The following HAPSTR1 variants were observed in gnomAD, a reference collection of about 807,000 sequenced individuals.
The protein encoded by HAPSTR1 is HUWE1-associated protein modifying stress responses 1.
the HAPSTR1 span, among the ~76,000 whole-genome samples, chr16:9,099,862 C>T: frequency 6.6e-6 from 1 of 152,112 alleles, no homozygotes; most frequent in Non-Finnish European, 1.5e-5. Context: ...CTAATTAGCT[C>T]AAGTTATGAG....
chr16:9,117,607 C>A, the HAPSTR1 span: 1 of 152,712 alleles, frequency 6.5e-6, no homozygotes, highest in Non-Finnish European at 1.5e-5. Flanking sequence ...AAACTGTCCC[C>A]AGAGTAACCC....
chr16:9,112,201 G>C, the HAPSTR1 span: 3 of 152,126 alleles, frequency 2.0e-5, no homozygotes, highest in African/African-American at 7.2e-5. Flanking sequence ...TCTTAAACAC[G>C]ACATTGACAC....
the HAPSTR1 span, among the ~76,000 whole-genome samples, chr16:9,095,002 T>A: frequency 7.9e-5 from 12 of 152,384 alleles, no homozygotes; most frequent in Admixed American, 3.3e-4. Context: ...TAAAAATGTT[T>A]ACAATTTGTT....
At chr16:9,116,413 C>T in the HAPSTR1 span, among the ~76,000 whole-genome samples, 57 of 152,230 alleles carry the variant, frequency 3.7e-4, no homozygotes, top group African/African-American at 1.2e-3. Flanking sequence ...ACACCTAGCA[C>T]GGTGGTTGAC....
At chr16:9,098,896 C>G in the HAPSTR1 span, among the ~76,000 whole-genome samples, 1 of 152,152 alleles carries the variant, frequency 6.6e-6, no homozygotes, top group Non-Finnish European at 1.5e-5. Flanking sequence ...GCCCTTTGAA[C>G]TTCAGTTCCT....
At chr16:9,107,437 C>T in the HAPSTR1 span, 1 of 152,322 alleles carries the variant, frequency 6.6e-6, no homozygotes, top group African/African-American at 2.4e-5. Context: ...AGGGCAGGCC[C>T]TCTGGAGGAG....
chr16:9,097,938 C>G, the HAPSTR1 span, among the ~76,000 whole-genome samples: 1 of 152,194 alleles, frequency 6.6e-6, no homozygotes, highest in African/African-American at 2.4e-5. Context: ...GGGAGCTTCT[C>G]TCGAAACATG....
the HAPSTR1 span, among the ~76,000 whole-genome samples, chr16:9,099,577 A>G: frequency 6.6e-6 from 1 of 152,210 alleles, no homozygotes; most frequent in African/African-American, 2.4e-5. Flanking sequence ...GAGTTTGCCT[A>G]ACCTTCAAGT....
the HAPSTR1 span, among the ~76,000 whole-genome samples, chr16:9,115,458 A>T: frequency 6.6e-5 from 10 of 152,290 alleles, no homozygotes; most frequent in African/African-American, 2.4e-4. Context: ...GTAGGTTTTT[A>T]AAAATGCAAC....
chr16:9,116,871 A>C, the HAPSTR1 span: 1 of 1,614,212 alleles, frequency 6.2e-7, no homozygotes, highest in Non-Finnish European at 8.5e-7. Flanking sequence ...TGGCGATGTC[A>C]TTACAGACTC....
At chr16:9,107,893 A>G in the HAPSTR1 span, 1 of 152,008 alleles carries the variant, frequency 6.6e-6, no homozygotes, top group East Asian at 1.9e-4. Flanking sequence ...TTAACAGAAC[A>G]TAGCAAAGAA....
the HAPSTR1 span, among the ~76,000 whole-genome samples, chr16:9,100,965 C>T: frequency 0.011 from 1,611 of 152,266 alleles, 29 homozygotes; most frequent in African/African-American, 0.037. Context: ...GAATAAAATA[C>T]CCTCATTCTC....
At chr16:9,099,938 A>G in the HAPSTR1 span, among the ~76,000 whole-genome samples, 1 of 152,230 alleles carries the variant, frequency 6.6e-6, no homozygotes, top group Non-Finnish European at 1.5e-5. Flanking sequence ...CACCATTTAC[A>G]TGGGACTTTG....
At chr16:9,115,759 G>A in the HAPSTR1 span, among the ~76,000 whole-genome samples, 243 of 152,176 alleles carry the variant, frequency 1.6e-3, 1 homozygote, top group Non-Finnish European at 2.2e-3. Context: ...GATTACAGGC[G>A]CCTGCCACCA....
the HAPSTR1 span, chr16:9,107,072 G>C: frequency 2.3e-4 from 35 of 152,320 alleles, 1 homozygote; most frequent in African/African-American, 8.2e-4. Context: ...TTCCAAATCT[G>C]GACCTCTCGT....
At chr16:9,112,950 GA>G in the HAPSTR1 span, 2 of 149,384 alleles carry the variant, frequency 1.3e-5, no homozygotes, top group Admixed American at 1.3e-4. Flanking sequence ...TAGCCCTTTT[GA>G]AAAAGTATGT....
chr16:9,093,130 A>T, the HAPSTR1 span: 1 of 935,466 alleles, frequency 1.1e-6, no homozygotes, highest in Non-Finnish European at 1.6e-6. Context: ...GCAACTTGAG[A>T]ATCGCGGCGG....
the HAPSTR1 span, chr16:9,092,862 C>T: frequency 1.6e-5 from 23 of 1,444,828 alleles, no homozygotes; most frequent in South Asian, 2.3e-4. Context: ...CTTTCTTTCT[C>T]TTTCTATGTG....
the HAPSTR1 span, chr16:9,102,981 C>T: frequency 6.2e-7 from 1 of 1,609,680 alleles, no homozygotes. Context: ...TTTTTTCTAA[C>T]AGAAAGCGTG....
Sources: gnomAD v4.1 joint callset for allele counts (sites outside exome capture counted in the v4.1 genomes callset) on GRCh38, gnomAD v4.1.1 for gene constraint, MANE v1.5 for transcripts, NCBI Gene and HGNC (gene_info 2026-07-23, HGNC 2026-07-21) for gene names.